FYB1: variants seen among roughly 807,000 people sequenced by gnomAD.
The protein encoded by FYB1 is FYN-binding protein 1.
A neutral mutation model predicts 94.1 loss-of-function variants in FYB1; 41 were observed. The observed-to-expected ratio is 0.44, with a 90% CI of 0.34 to 0.57. The LOEUF (loss-of-function observed/expected upper bound fraction) is 0.57. FYB1 is among the 20% of genes least tolerant of loss of function. The pLI is 0.02. For missense variants in FYB1, 1,050 were observed against 976.8 expected (o/e 1.07, Z -1.00); for synonymous variants, 367 against 353.2 (o/e 1.04, Z -0.44).
chr5:39,249,544 GA>G (rs1212408739), intron 1 of FYB1, among the ~76,000 whole-genome samples: 1 of 152,162 alleles, frequency 6.6e-6, no homozygotes, highest in Non-Finnish European at 1.5e-5. Flanking sequence ...TACATAATTA[GA>G]AAGACCATTC....
intron 1 of FYB1, among the ~76,000 whole-genome samples, chr5:39,258,931 G>A (rs563566211): frequency 6.6e-6 from 1 of 152,266 alleles, no homozygotes; most frequent in South Asian, 2.1e-4. Context: ...CTTTTATAGT[G>A]TAGGGTCACT....
At chr5:39,230,159 C>T (rs1373613039) in intron 1 of FYB1, among the ~76,000 whole-genome samples, 1 of 152,110 alleles carries the variant, frequency 6.6e-6, no homozygotes, top group Non-Finnish European at 1.5e-5. Flanking sequence ...TGCAGGAGAG[C>T]AATTAGGTTA....
intron 2 of FYB1, 138 bp from the exon 3 acceptor site, chr5:39,153,742 G>T: frequency 4.1e-6 from 3 of 725,434 alleles, no homozygotes; most frequent in Non-Finnish European, 6.8e-6. Flanking sequence ...TCAATAAAGA[G>T]TATGTTTATT....
At chr5:39,237,233 T>C (rs1751004700) in intron 1 of FYB1, among the ~76,000 whole-genome samples, 1 of 151,924 alleles carries the variant, frequency 6.6e-6, no homozygotes, top group Non-Finnish European at 1.5e-5. Flanking sequence ...AAAAGATAAA[T>C]CGAGTCGAAA....
chr5:39,176,607 T>C (rs1745759161), intron 2 of FYB1, among the ~76,000 whole-genome samples: 1 of 152,236 alleles, frequency 6.6e-6, no homozygotes, highest in Admixed American at 6.5e-5. Flanking sequence ...TCTTCATTTC[T>C]TGATTATTCT....
chr5:39,201,313 T>C (rs1748295612), intron 2 of FYB1, among the ~76,000 whole-genome samples: 1 of 152,150 alleles, frequency 6.6e-6, no homozygotes, highest in African/African-American at 2.4e-5. Context: ...GGATGTTCAA[T>C]AGCATCCCTA....
At chr5:39,233,195 G>A (rs1240172033) in intron 1 of FYB1, among the ~76,000 whole-genome samples, 2 of 152,026 alleles carry the variant, frequency 1.3e-5, no homozygotes, top group Non-Finnish European at 2.9e-5. Flanking sequence ...ACTAGAAAGA[G>A]CTAGCAAATA....
intron 2 of FYB1, among the ~76,000 whole-genome samples, chr5:39,186,638 CTTTTTTTTTT>C (rs56144868): frequency 1.5e-3 from 113 of 76,372 alleles, no homozygotes; most frequent in African/African-American, 4.5e-3. Flanking sequence ...CAATTGGATG[CTTTTTTTTTT>C]TTTTTTTTTT....
intron 1 of FYB1, among the ~76,000 whole-genome samples, chr5:39,228,167 G>C (rs919186761): frequency 6.6e-6 from 1 of 152,134 alleles, no homozygotes; most frequent in Non-Finnish European, 1.5e-5. Flanking sequence ...AGGATGAATA[G>C]AACTACATTT....
At chr5:39,269,274 C>G (rs1255239948) in intron 1 of FYB1, among the ~76,000 whole-genome samples, 1 of 152,170 alleles carries the variant, frequency 6.6e-6, no homozygotes, top group Admixed American at 6.5e-5. Context: ...TGGTCTCGAT[C>G]TCCTGACCTC....
chr5:39,251,679 T>C (rs1409372701), intron 1 of FYB1, among the ~76,000 whole-genome samples: 1 of 152,048 alleles, frequency 6.6e-6, no homozygotes, highest in South Asian at 2.1e-4. Context: ...GAATCAGAGC[T>C]AGGATTTAAG....
At chr5:39,239,457 AG>A (rs1247255318) in intron 1 of FYB1, among the ~76,000 whole-genome samples, 2 of 152,140 alleles carry the variant, frequency 1.3e-5, no homozygotes, top group Non-Finnish European at 2.9e-5. Context: ...AAACAATTTC[AG>A]CAGTTTCAGG....
chr5:39,240,283 A>G (rs1296866367), intron 1 of FYB1, among the ~76,000 whole-genome samples: 1 of 152,258 alleles, frequency 6.6e-6, no homozygotes, highest in African/African-American at 2.4e-5. Context: ...CATGACAAAG[A>G]TGCCAAAAGC....
intron 9 of FYB1, among the ~76,000 whole-genome samples, chr5:39,130,829 T>G (rs1741135582): frequency 6.6e-6 from 1 of 152,118 alleles, no homozygotes; most frequent in Admixed American, 6.6e-5. Context: ...AAGAATTAAG[T>G]TAATTATGCA....
intron 1 of FYB1, among the ~76,000 whole-genome samples, chr5:39,257,887 T>A (rs1752031801): frequency 6.6e-6 from 1 of 152,062 alleles, no homozygotes; most frequent in Non-Finnish European, 1.5e-5. Context: ...CTGCATACTT[T>A]AAAATTCAAC....
chr5:39,239,940 A>T (rs1322434490), intron 1 of FYB1, among the ~76,000 whole-genome samples: 1 of 152,204 alleles, frequency 6.6e-6, no homozygotes, highest in Non-Finnish European at 1.5e-5. Flanking sequence ...CCAAAATGGC[A>T]TGGTACTTTC....
At chr5:39,223,985 G>A (rs1750371781), upstream of FYB1, among the ~76,000 whole-genome samples, 1 of 152,136 alleles carries the variant, frequency 6.6e-6, no homozygotes, top group Non-Finnish European at 1.5e-5. Context: ...TGATGACTTT[G>A]AGGTGTCAGC....
At chr5:39,224,472 T>G (rs932209726), upstream of FYB1, among the ~76,000 whole-genome samples, 1 of 152,134 alleles carries the variant, frequency 6.6e-6, no homozygotes, top group Admixed American at 6.5e-5. Context: ...TCTGGAAGCT[T>G]GTTGTTGCCC....
At chr5:39,244,092 G>T (rs1234258973) in intron 1 of FYB1, among the ~76,000 whole-genome samples, 3 of 152,090 alleles carry the variant, frequency 2.0e-5, no homozygotes, top group Non-Finnish European at 4.4e-5. Context: ...TGCAAACAGG[G>T]ACAATTTGAG....
Sources: allele counts gnomAD v4.1 joint callset (sites outside exome capture counted in the v4.1 genomes callset), GRCh38; gene constraint gnomAD v4.1.1; transcripts MANE v1.5; gene names NCBI Gene and HGNC (gene_info 2026-07-23, HGNC 2026-07-21).